RBMXL1: variants seen among roughly 807,000 people sequenced by gnomAD.
RBMXL1 encodes the protein RBMX like 1.
A neutral mutation model predicts 29.0 loss-of-function variants in RBMXL1; 18 were observed. The ratio of observed to expected loss-of-function variants is 0.62; its 90% CI spans 0.43 to 0.92. The LOEUF (loss-of-function observed/expected upper bound fraction) is 0.92. Ranked by LOEUF, RBMXL1 falls within the 40% of genes least tolerant of loss-of-function variation. The pLI is 0.00. For synonymous variants in RBMXL1, 141 were observed against 170.4 expected (o/e 0.83, Z 1.34); for missense variants, 403 against 495.8 (o/e 0.81, Z 1.78).
intron 1 of RBMXL1, among the ~76,000 whole-genome samples, chr1:88,989,225 T>C (rs1677640811): frequency 6.6e-6 from 1 of 152,192 alleles, no homozygotes; most frequent in Admixed American, 6.5e-5. Flanking sequence ...CTATGGAAAC[T>C]AAATAGAGCT....
intron 2 of RBMXL1, among the ~76,000 whole-genome samples, chr1:88,986,335 C>G (rs1677456383): frequency 6.7e-6 from 1 of 150,270 alleles, no homozygotes; most frequent in African/African-American, 2.4e-5. Flanking sequence ...AATTAATAGA[C>G]TATTTTAGGG....
Position 88,985,210 on chromosome 1 carries a change from T to C in RBMXL1, c.-240-1144A>G, listed in dbSNP as rs557673921. On this transcript the variant is annotated intron_variant, in intron 2 of 2. Coordinates refer to ENST00000652648, the MANE Select transcript of RBMXL1 (RefSeq NM_001162536.3). Reference sequence around the variant, plus strand: ...AAAAAATTGGGTTCAAGCCAAGACCTTGGAAGAGTGAGTAAGTGAAGGGAG... The same window carrying C: ...AAAAAATTGGGTTCAAGCCAAGACCCTGGAAGAGTGAGTAAGTGAAGGGAG... Among the ~76,000 whole-genome samples the C allele has an allele frequency of 4.1e-3, 629 of 152,282 alleles. 2 individuals are homozygous for C. The highest frequency in any genetic ancestry group is 6.4e-3 in the Non-Finnish European group (436 of 68,022).
In RBMXL1 at chr1:88,983,977, A is replaced by T; in HGVS notation, c.-151T>A. The T allele has an allele frequency of 1.2e-6, 1 of 845,886 alleles. No homozygotes were observed. Among genetic ancestry groups the T allele is most frequent in the South Asian group, 1.6e-5 (1 of 62,732 alleles). 52.4% of individuals were successfully genotyped at this position (845,886 alleles called of 1,614,324 possible). ...CCGCTAGCACTACTGCGCAATCTGG[A>T]TGCTTTTTAAGGTATGGCTATCCAT... On this transcript the variant is annotated 5_prime_UTR_variant, in exon 3 of 3. Coordinates refer to ENST00000652648, the MANE Select transcript of RBMXL1 (RefSeq NM_001162536.3).
intron 1 of RBMXL1, among the ~76,000 whole-genome samples, chr1:88,991,260 G>A (rs752183186): frequency 2.0e-5 from 3 of 152,182 alleles, no homozygotes; most frequent in Non-Finnish European, 4.4e-5. Flanking sequence ...TAAATCCTAA[G>A]AAACTTAAAG....
intron 2 of RBMXL1, among the ~76,000 whole-genome samples, chr1:88,985,881 CA>C (rs1677420829): frequency 1.3e-5 from 2 of 152,140 alleles, no homozygotes; most frequent in Admixed American, 6.5e-5. Context: ...GATACTTTCA[CA>C]TCAAAAGAGA....
rs951536466 is a variant in RBMXL1, at chr1:88,982,393, G to A, written c.*261C>T. On this transcript the variant is annotated 3_prime_UTR_variant, in exon 3 of 3. Transcript: ENST00000652648. ...CTTTAGGGACACCTTTACTTGGAAAGTTACAACACTAGTACTACAAGGCTT... is the reference window on the plus strand; with the variant it reads ...CTTTAGGGACACCTTTACTTGGAAAATTACAACACTAGTACTACAAGGCTT... The A allele has an allele frequency of 3.7e-6, 3 of 821,890 alleles. No homozygotes were observed. The African/African-American group carries it at 5.2e-5, about 14-fold the overall frequency. 50.9% of individuals were successfully genotyped at this position (821,890 alleles called of 1,614,324 possible).
At position 88,982,846 on chromosome 1, in the gene RBMXL1, G is replaced by A; in HGVS notation, c.981C>T (p.Tyr327=). The change falls in exon 3 of 3, where the codon TAC becomes TAT. Residue 327 remains tyrosine (Y), a synonymous_variant. Transcript: ENST00000652648. ...AGTAGAGATCACTTCGGCTGCTTGAGTAACTGTCTCGACTTCCACCATATC... is the reference window on the plus strand; with the variant it reads ...AGTAGAGATCACTTCGGCTGCTTGAATAACTGTCTCGACTTCCACCATATC... ...RDGYGGSRDS[Y]SSSRSDLYSS... 6.2e-7 allele frequency: 1 copy of A among 1,613,948 alleles called. No homozygotes were observed. Among genetic ancestry groups the A allele is most frequent in the Non-Finnish European group, 8.5e-7 (1 of 1,179,844 alleles).
intron 2 of RBMXL1, among the ~76,000 whole-genome samples, chr1:88,987,913 T>C (rs1305717194): frequency 6.6e-6 from 1 of 152,242 alleles, no homozygotes; most frequent in African/African-American, 2.4e-5. Context: ...TTGGTGGTTA[T>C]GGGTTTTAAA....
intron 2 of RBMXL1, among the ~76,000 whole-genome samples, chr1:88,987,223 G>A (rs1457498697): frequency 6.6e-6 from 1 of 152,172 alleles, no homozygotes; most frequent in Non-Finnish European, 1.5e-5. Context: ...TGAGGATTGT[G>A]CACACAAATG....
At chr1:88,990,581 CTCTCATTTA>C (rs1200636559) in intron 1 of RBMXL1, among the ~76,000 whole-genome samples, 1 of 152,202 alleles carries the variant, frequency 6.6e-6, no homozygotes, top group Non-Finnish European at 1.5e-5. Context: ...ATCTTACAAT[CTCTCATTTA>C]TCTCCTGCCT....
At chr1:88,986,063 C>T (rs1457868061) in intron 2 of RBMXL1, among the ~76,000 whole-genome samples, 1 of 151,834 alleles carries the variant, frequency 6.6e-6, no homozygotes, top group African/African-American at 2.4e-5. Context: ...CACCTATAGT[C>T]CCAGCTACTC....
In RBMXL1 at chr1:88,984,572, C is replaced by T. The variant is rs542024400; in HGVS notation, c.-240-506G>A. 9.8e-5 allele frequency among the ~76,000 whole-genome samples: 15 copies of T among 152,300 alleles called. No individual in the cohort carries two copies. In the South Asian group the frequency reaches 2.9e-3, roughly 29 times the overall value. ...TTATTTTATAAAGAATTATTTGTGCCTGATACGCTGTAGCTATTTAACATC... is the reference window on the plus strand; with the variant it reads ...TTATTTTATAAAGAATTATTTGTGCTTGATACGCTGTAGCTATTTAACATC... On this transcript the variant is annotated intron_variant, in intron 2 of 2. Transcript: ENST00000652648.
intron 1 of RBMXL1, 24 bp downstream of exon 1, chr1:88,992,561 G>C (rs1036367834): frequency 4.6e-5 from 7 of 152,630 alleles, no homozygotes; most frequent in African/African-American, 1.7e-4. Flanking sequence ...GCGCCGCGCC[G>C]CGCCGCGCGC....
chr1:88,982,530 G>T lies in RBMXL1; in HGVS notation c.*124C>A. 7.3e-7 allele frequency: 1 copy of T among 1,363,998 alleles called. No homozygotes were observed. 84.5% of individuals were successfully genotyped at this position (1,363,998 alleles called of 1,614,324 possible). Reference sequence around the variant, plus strand: ...TAAAAATTACGGAAGGGACTTAACAGGGAATTTAAAAAAGGTAACACAATT... The same window carrying T: ...TAAAAATTACGGAAGGGACTTAACATGGAATTTAAAAAAGGTAACACAATT... On this transcript the variant is annotated 3_prime_UTR_variant, in exon 3 of 3. Transcript: ENST00000652648.
intron 1 of RBMXL1, among the ~76,000 whole-genome samples, chr1:88,989,774 T>C (rs1272990067): frequency 6.6e-6 from 1 of 152,230 alleles, no homozygotes; most frequent in Non-Finnish European, 1.5e-5. Context: ...CTAAGTCTAC[T>C]TGTTTTCATC....
intron 1 of RBMXL1, 103 bp from the exon 2 acceptor site, chr1:88,988,454 C>T: frequency 1.7e-6 from 1 of 601,506 alleles, no homozygotes; most frequent in Admixed American, 3.4e-5. Flanking sequence ...TACGTAAAAT[C>T]CAAGTAAACA....
intron 2 of RBMXL1, among the ~76,000 whole-genome samples, chr1:88,984,507 G>A (rs1490364193): frequency 6.6e-6 from 1 of 152,162 alleles, no homozygotes; most frequent in Non-Finnish European, 1.5e-5. Context: ...ACCACGGCTG[G>A]CCTTAACTGG....
At position 88,982,582 on chromosome 1, in the gene RBMXL1, T is replaced by C. The variant is rs191035536; in HGVS notation, c.*72A>G. 1.8e-5 allele frequency: 27 copies of C among 1,517,500 alleles called. No homozygotes were observed. The African/African-American group carries it at 3.3e-4, about 19-fold the overall frequency. 94.0% of individuals were successfully genotyped at this position (1,517,500 alleles called of 1,614,324 possible). A position where few individuals can be genotyped will look rare whatever the true frequency, so the allele number is the denominator to read the frequency against. Reference sequence around the variant, plus strand: ...TTCCTTTTAGTAGTCCTTGGGTAGTTATGATAGAATAGTTTCCACTCTTTT... The same window carrying C: ...TTCCTTTTAGTAGTCCTTGGGTAGTCATGATAGAATAGTTTCCACTCTTTT... On this transcript the variant is annotated 3_prime_UTR_variant, in exon 3 of 3. Transcript: ENST00000652648.
At chr1:88,987,876 T>C (rs936272505) in intron 2 of RBMXL1, among the ~76,000 whole-genome samples, 3 of 152,206 alleles carry the variant, frequency 2.0e-5, no homozygotes, top group Non-Finnish European at 2.9e-5. Context: ...CTGAATCAAG[T>C]TCCTAAAGCA....
Sources: allele counts gnomAD v4.1 joint callset (sites outside exome capture counted in the v4.1 genomes callset), GRCh38; gene constraint gnomAD v4.1.1; transcripts MANE v1.5; gene names NCBI Gene and HGNC (gene_info 2026-07-23, HGNC 2026-07-21).